FAT4: variants seen among roughly 807,000 people sequenced by gnomAD.
The protein encoded by FAT4 is FAT atypical cadherin 4, also known as protocadherin Fat 4.
FAT4 carries 84 observed loss-of-function variants against 303.9 expected under a neutral mutation model. The ratio of observed to expected loss-of-function variants is 0.28; its 90% confidence interval spans 0.23 to 0.33. The LOEUF is 0.33. FAT4 is among the 10% of genes least tolerant of loss of function. FAT4 has a pLI of 1.00. For missense variants in FAT4, 6,005 were observed against 6,146.8 expected (o/e 0.98, Z 0.77); for synonymous variants, 2,307 against 2,298.8 (o/e 1.00, Z -0.10).
rs766473732 is a variant in FAT4 at position 125,446,534 on chromosome 4, A to G, written c.7441A>G (p.Thr2481Ala). Residue 2481 changes from threonine (T) to alanine (A), a missense_variant, in exon 9 of 18, where the codon ACT becomes GCT. Physicochemically the swap from Thr to Ala is moderately conservative, Grantham distance 58. Transcript: ENST00000394329. ...HPYVTHIPSP[T>A]LPGSFVFAVT... is the part of the protein sequence containing the mutation. ...ATATGTCACTCACATCCCATCTCCT[A>G]CTCTTCCAGGTAATCAACCAAATTC... 4 of 1,608,794 alleles carry G rather than the reference A, an allele frequency of 2.5e-6. No homozygotes were observed. Among genetic ancestry groups the G allele is most frequent in the Non-Finnish European group, 1.7e-6 (2 of 1,176,026 alleles).
At chr4:125,485,177 AGACTTTAT>A (rs1221770902) in intron 16 of FAT4, among the ~76,000 whole-genome samples, 3 of 152,150 alleles carry the variant, frequency 2.0e-5, no homozygotes, top group African/African-American at 7.2e-5. Context: ...ACACTTCTGC[AGACTTTAT>A]AAACACTGTA....
chr4:125,418,161 G>T (rs768668557), intron 7 of FAT4, among the ~76,000 whole-genome samples: 2 of 152,280 alleles, frequency 1.3e-5, no homozygotes, highest in Non-Finnish European at 1.5e-5. Context: ...GATCCCAGAT[G>T]CAATGTTTTT....
intron 2 of FAT4, among the ~76,000 whole-genome samples, chr4:125,355,872 T>C (rs553570875): frequency 3.3e-5 from 5 of 152,138 alleles, no homozygotes; most frequent in African/African-American, 1.2e-4. Context: ...AGAAGCCATA[T>C]TGTCTCTTCC....
At chr4:125,480,104 G>A (rs1453907000) in intron 15 of FAT4, among the ~76,000 whole-genome samples, 1 of 151,824 alleles carries the variant, frequency 6.6e-6, no homozygotes, top group African/African-American at 2.4e-5. Flanking sequence ...CACTTTAAAG[G>A]TATTTTATTC....
At chr4:125,352,163 T>G (rs1424153134) in intron 2 of FAT4, among the ~76,000 whole-genome samples, 1 of 151,718 alleles carries the variant, frequency 6.6e-6, no homozygotes, top group African/African-American at 2.4e-5. Context: ...TTATGAAGAC[T>G]ATTATACATT....
chr4:125,406,852 A>C, intron 3 of FAT4, 28 bp from the exon 4 acceptor site: 1 of 1,604,284 alleles, frequency 6.2e-7, no homozygotes, highest in Non-Finnish European at 8.5e-7. Context: ...TACTTCCAAT[A>C]GCTCAGATGC....
chr4:125,453,697 T>C (rs1359762283), intron 10 of FAT4, among the ~76,000 whole-genome samples: 1 of 123,394 alleles, frequency 8.1e-6, no homozygotes, highest in Non-Finnish European at 1.6e-5. Context: ...AGAGCAAGAC[T>C]CTGTCTTAAA....
chr4:125,416,469 C>G lies in FAT4; in HGVS notation c.6865C>G (p.Arg2289Gly), dbSNP rs1166788405. The change falls in exon 7 of 18, where the codon CGA (arginine) becomes GGA (glycine). Residue 2289 changes from arginine (R) to glycine (G), a missense_variant. Physicochemically the swap from Arg to Gly is moderately radical, Grantham distance 125. Coordinates refer to ENST00000394329, the MANE Select transcript of FAT4 (RefSeq NM_001291303.3). Reference protein sequence around the residue: ...ILQVVARDDDRGSNSKLSYVL... With the variant: ...ILQVVARDDDGGSNSKLSYVL... ...ACAGGTGGTGGCAAGAGATGATGAT[C>G]GAGGATCTAACAGCAAACTCTCATA... is the stretch of plus-strand genomic sequence containing the variant. 6.2e-7 allele frequency: 1 copy of G among 1,613,250 alleles called. No individual in the cohort carries two copies. Among genetic ancestry groups the G allele is most frequent in the South Asian group, 1.1e-5 (1 of 91,022 alleles).
rs1209516946 is a variant in FAT4 at position 125,315,054 on chromosome 4, C to CTGTGTGTGTGTGTGTGCGTGTG, written c.-934_-913dup. ...CCTCTGTTTGTGTTTCGGCGACGCG[C>CTGTGTGTGTGTGTGTGCGTGTG]TGTGTGTGTGTGTGTGCGTGTGTAT... On this transcript the variant is annotated 5_prime_UTR_variant, in exon 1 of 18. Transcript: ENST00000394329. Among the ~76,000 whole-genome samples the CTGTGTGTGTGTGTGTGCGTGTG allele has an allele frequency of 2.6e-5, 4 of 150,944 alleles. No individual in the cohort carries two copies. The highest frequency in any genetic ancestry group is 4.4e-5 in the Non-Finnish European group (3 of 67,598).
intron 10 of FAT4, among the ~76,000 whole-genome samples, chr4:125,457,082 A>G (rs972524990): frequency 1.4e-4 from 21 of 151,936 alleles, no homozygotes; most frequent in Non-Finnish European, 2.4e-4. Flanking sequence ...CTTTCTGCTT[A>G]AAATAATCCT....
intron 2 of FAT4, among the ~76,000 whole-genome samples, chr4:125,335,145 A>C (rs1456504495): frequency 6.6e-6 from 1 of 152,160 alleles, no homozygotes; most frequent in East Asian, 1.9e-4. Flanking sequence ...AGCTTGCCAA[A>C]AACATGGGTC....
intron 3 of FAT4, among the ~76,000 whole-genome samples, chr4:125,401,352 T>A (rs891993842): frequency 5.3e-5 from 8 of 151,994 alleles, no homozygotes; most frequent in Non-Finnish European, 1.0e-4. Context: ...ACCTTTGTTT[T>A]ATTTTCTACT....
intron 7 of FAT4, among the ~76,000 whole-genome samples, chr4:125,421,789 G>T (rs1202105216): frequency 6.6e-6 from 1 of 152,010 alleles, no homozygotes; most frequent in East Asian, 1.9e-4. Flanking sequence ...TTGAAGGCTG[G>T]GATAGATAAG....
intron 12 of FAT4, among the ~76,000 whole-genome samples, chr4:125,471,900 A>C (rs1726873293): frequency 1.7e-5 from 1 of 59,314 alleles, no homozygotes; most frequent in Non-Finnish European, 3.6e-5. Context: ...AAATACAAAA[A>C]AAAAAAAAAA....
Position 125,450,239 on chromosome 4 carries a change from G to A in FAT4, c.9229G>A (p.Val3077Ile). 6.2e-7 allele frequency: 1 copy of A among 1,614,030 alleles called. No individual in the cohort carries two copies. Among genetic ancestry groups the A allele is most frequent in the Non-Finnish European group, 8.5e-7 (1 of 1,179,996 alleles). ...CCCTCCACTTTCTTCCCAAGCAACT[G>A]TTCACATAACTGTCACTGAGGAAAA... is the stretch of plus-strand genomic sequence containing the variant. ...GNPPLSSQATVHITVTEENYH... is the reference protein window; with the variant it reads ...GNPPLSSQATIHITVTEENYH... Residue 3077 changes from valine to isoleucine, a missense_variant, in exon 10 of 18, where the codon GTT becomes ATT. Transcript: ENST00000394329.
intron 12 of FAT4, among the ~76,000 whole-genome samples, chr4:125,469,872 C>T (rs545506231): frequency 1.3e-5 from 2 of 152,292 alleles, no homozygotes; most frequent in Admixed American, 1.3e-4. Flanking sequence ...TTCTTCATGG[C>T]ATCTAGAATG....
intron 2 of FAT4, among the ~76,000 whole-genome samples, chr4:125,356,060 A>C (rs1319169312): frequency 6.6e-6 from 1 of 152,026 alleles, no homozygotes; most frequent in Non-Finnish European, 1.5e-5. Context: ...AAGGCTGGTA[A>C]AAGCAACCTC....
Position 125,316,663 on chromosome 4 carries a change from C to T in FAT4, c.252C>T (p.Asn84=), listed in dbSNP as rs757890866. 6 of 1,613,602 alleles carry T rather than the reference C, an allele frequency of 3.7e-6. No individual in the cohort carries two copies. In the South Asian group the frequency reaches 4.4e-5, roughly 12 times the overall value. ...LSESHALFAI[N]SSTGALYTTS... is the part of the protein sequence containing the mutation. ...AAAGCCACGCCCTGTTTGCCATAAACAGTAGCACCGGAGCCCTGTACACCA... is the reference window on the plus strand; with the variant it reads ...AAAGCCACGCCCTGTTTGCCATAAATAGTAGCACCGGAGCCCTGTACACCA... Residue 84 remains asparagine, a synonymous_variant, in exon 2 of 18, where the codon AAC becomes AAT. Coordinates refer to ENST00000394329, the MANE Select transcript of FAT4 (RefSeq NM_001291303.3). This position sits in a 1 kb window ranked among gnomAD's most constrained non-coding sequence, Gnocchi z 5.7.
chr4:125,485,247 A>C (rs1434156642), intron 16 of FAT4, among the ~76,000 whole-genome samples: 1 of 150,134 alleles, frequency 6.7e-6, no homozygotes, highest in Non-Finnish European at 1.5e-5. Flanking sequence ...ATAATAAATT[A>C]ACTTTAGCTT....
Sources: allele counts gnomAD v4.1 joint callset (sites outside exome capture counted in the v4.1 genomes callset), GRCh38; gene constraint gnomAD v4.1.1; non-coding constraint Gnocchi (gnomAD v3.1); transcripts MANE v1.5; gene names NCBI Gene and HGNC (gene_info 2026-07-23, HGNC 2026-07-21).